PCGF3: variants seen among roughly 807,000 people sequenced by gnomAD.
PCGF3 encodes polycomb group ring finger 3, also known as polycomb group RING finger protein 3.
PCGF3 carries 7 observed loss-of-function variants against 33.1 expected under a neutral mutation model. The ratio of observed to expected loss-of-function variants is 0.21; its 90% CI spans 0.12 to 0.40. The LOEUF (loss-of-function observed/expected upper bound fraction) is 0.40. Among genes scored for constraint, PCGF3 ranks in the 10% least tolerant of loss-of-function variants. PCGF3 has a pLI of 1.00. For missense variants in PCGF3, 211 were observed against 313.3 expected (o/e 0.67, Z 2.46); for synonymous variants, 153 against 121.3 (o/e 1.26, Z -1.72).
chr4:768,565 G>A (rs960408357), exon 11 of PCGF3: 3 of 151,918 alleles, frequency 2.0e-5, no homozygotes, highest in South Asian at 2.1e-4. Flanking sequence ...CACCTTATGC[G>A]TCGTTTTCAA....
intron 6 of PCGF3, among the ~76,000 whole-genome samples, chr4:741,464 T>C (rs552414746): frequency 6.6e-6 from 1 of 152,360 alleles, no homozygotes; most frequent in Admixed American, 6.5e-5. Flanking sequence ...CTGAGTGCAG[T>C]GGCACGATCT....
rs558252956 is a variant in PCGF3, at chr4:731,512, C to A, written c.-10+402C>A. ...CTCTCCCCTCCCGGGTGCTCTGTCC[C>A]CTCGTGGGTGGGCGTGGCCCTCAGG... On this transcript the variant is annotated intron_variant, in intron 3 of 10. Transcript: ENST00000362003. Among the ~76,000 whole-genome samples the A allele has an allele frequency of 6.6e-5, 10 of 151,622 alleles. No individual in the cohort carries two copies. The South Asian group carries it at 1.3e-3, about 19-fold the overall frequency.
intron 1 of PCGF3, among the ~76,000 whole-genome samples, chr4:725,498 G>C (rs9328756): frequency 1.6e-5 from 2 of 123,186 alleles, no homozygotes; most frequent in Non-Finnish European, 3.5e-5. Flanking sequence ...GAGGGAGTAG[G>C]AACGGGCTCT....
chr4:717,137 C>T (rs1374955263), intron 1 of PCGF3, among the ~76,000 whole-genome samples: 2 of 37,032 alleles, frequency 5.4e-5, no homozygotes, highest in African/African-American at 1.7e-4. Flanking sequence ...GAGAACTGAG[C>T]GTCGGTGCTG....
At chr4:722,491 C>T in intron 1 of PCGF3, 1 of 263,824 alleles carries the variant, frequency 3.8e-6, no homozygotes, top group South Asian at 3.1e-5. Flanking sequence ...CACATCCATT[C>T]ACGTCGGGGC....
chr4:744,604 A>G, exon 8 of PCGF3: 1 of 1,555,876 alleles, frequency 6.4e-7, no homozygotes, highest in South Asian at 1.2e-5. Flanking sequence ...TAAAAGGTGA[A>G]ACCAAAGCAG....
intron 6 of PCGF3, 59 bp downstream of exon 6, chr4:737,580 G>T: frequency 9.2e-7 from 1 of 1,088,584 alleles, no homozygotes; most frequent in Non-Finnish European, 1.4e-6. Context: ...TGCAGCCCCT[G>T]CTCTCCTGGA....
At chr4:706,982 G>A (rs1196002390) in intron 1 of PCGF3, among the ~76,000 whole-genome samples, 1 of 150,834 alleles carries the variant, frequency 6.6e-6, no homozygotes, top group Non-Finnish European at 1.5e-5. Flanking sequence ...CCCAGCCCAG[G>A]CAGGACCCTG....
rs1225812089 is a variant in PCGF3 at position 721,948 on chromosome 4, T to C, written c.-189-8682T>C. 6.9e-6 allele frequency among the ~76,000 whole-genome samples: 1 copy of C among 144,072 alleles called. No homozygotes were observed. Among genetic ancestry groups the C allele is most frequent in the African/African-American group, 2.6e-5 (1 of 37,860 alleles). 94.5% of individuals were successfully genotyped at this position (144,072 alleles called of 152,430 possible). A position where few individuals can be genotyped will look rare whatever the true frequency, so the allele number is the denominator to read the frequency against. On this transcript the variant is annotated intron_variant, in intron 1 of 10. Coordinates refer to ENST00000362003, the Ensembl canonical transcript of PCGF3. This position sits in a 1 kb window ranked among gnomAD's most constrained non-coding sequence, Gnocchi z 4.1. ...GTGGACATGTGTCGCTGCATGTGGG[T>C]GTGGGGAGAGGCCTGTGGGAGGTGG...
chr4:712,605 C>A (rs1742624051), intron 1 of PCGF3, among the ~76,000 whole-genome samples: 1 of 152,198 alleles, frequency 6.6e-6, no homozygotes, highest in African/African-American at 2.4e-5. Context: ...TGCCACCATG[C>A]CCGGCTAAGT....
Position 753,737 on chromosome 4 carries a change from C to T in PCGF3, c.463-7542C>T, listed in dbSNP as rs551291445. ...CTGAGGCGGGCAGATTGCCTAAGCT[C>T]AGGAGTGCGAGACCAGCCTGGGCAA... On this transcript the variant is annotated intron_variant, in intron 8 of 10. Transcript: ENST00000362003. 2.6e-5 allele frequency among the ~76,000 whole-genome samples: 4 copies of T among 152,042 alleles called. No homozygotes were observed. The East Asian group carries it at 7.7e-4, about 29-fold the overall frequency.
intron 1 of PCGF3, among the ~76,000 whole-genome samples, chr4:715,344 G>A (rs1440352007): frequency 7.3e-6 from 1 of 136,612 alleles, no homozygotes; most frequent in East Asian, 2.5e-4. Context: ...ACTGGGCGTC[G>A]GTGCTGGGAC....
At chr4:734,230 G>C in intron 4 of PCGF3, 5 of 1,504,018 alleles carry the variant, frequency 3.3e-6, no homozygotes, top group Non-Finnish European at 1.8e-6. Flanking sequence ...CTGGACCTGA[G>C]TGTTTTTCTA....
chr4:758,789 C>T (rs374663220), intron 8 of PCGF3, among the ~76,000 whole-genome samples: 209 of 19,838 alleles, frequency 0.011, 22 homozygotes, highest in Non-Finnish European at 0.018. Context: ...TCTCCCCGCG[C>T]GGCCCCTCTC....
chr4:739,721 T>C (rs1445614608), intron 6 of PCGF3, among the ~76,000 whole-genome samples: 1 of 152,216 alleles, frequency 6.6e-6, no homozygotes, highest in East Asian at 1.9e-4. Flanking sequence ...GTTCCATCGC[T>C]CGTCTCCACG....
At chr4:713,419 C>G (rs910019002) in intron 1 of PCGF3, among the ~76,000 whole-genome samples, 4 of 121,818 alleles carry the variant, frequency 3.3e-5, no homozygotes, top group South Asian at 2.8e-4. Flanking sequence ...GCTGTGGCCT[C>G]GTGGGGGCTG....
intron 1 of PCGF3, among the ~76,000 whole-genome samples, chr4:719,007 T>C (rs1050875268): frequency 1.3e-5 from 2 of 152,112 alleles, no homozygotes; most frequent in Non-Finnish European, 2.9e-5. Flanking sequence ...CAGACTGGAG[T>C]GTAATGGCAC....
chr4:706,980 A>G (rs998260135), intron 1 of PCGF3, among the ~76,000 whole-genome samples: 1 of 150,506 alleles, frequency 6.6e-6, no homozygotes, highest in African/African-American at 2.4e-5. Flanking sequence ...ACCCCAGCCC[A>G]GGCAGGACCC....
intron 10 of PCGF3, 122 bp downstream of exon 10, chr4:765,186 C>T (rs1745293216): frequency 1.2e-5 from 8 of 677,132 alleles, no homozygotes; most frequent in Non-Finnish European, 1.9e-5. Context: ...GTAATCCCAG[C>T]ACTTTGGGAG....
Sources: allele counts gnomAD v4.1 joint callset (sites outside exome capture counted in the v4.1 genomes callset), GRCh38; gene constraint gnomAD v4.1.1; non-coding constraint Gnocchi (gnomAD v3.1); transcripts MANE v1.5; gene names NCBI Gene and HGNC (gene_info 2026-07-23, HGNC 2026-07-21).